CD8B2: variants seen among roughly 807,000 people sequenced by gnomAD.
The protein encoded by CD8B2 is CD8B family member 2.
A neutral mutation model predicts 23.7 loss-of-function variants in CD8B2; 11 were observed. That is an observed-to-expected ratio of 0.46 (90% CI 0.29 to 0.77). The LOEUF (loss-of-function observed/expected upper bound fraction) is 0.77, where lower values mean the gene tolerates loss of function less well. Among genes scored for constraint, CD8B2 ranks in the 30% least tolerant of loss-of-function variants. The pLI, the probability that CD8B2 is intolerant of heterozygous loss-of-function variation, is 0.09. For synonymous variants in CD8B2, 90 were observed against 109.3 expected, an observed-to-expected ratio of 0.82 and a Z score of 1.10; for missense variants, 197 against 270.5, an observed-to-expected ratio of 0.73 and a Z score of 1.91.
chr2:106,530,754 T>C (rs1371543209), intron 5 of CD8B2, among the ~76,000 whole-genome samples: 1 of 152,032 alleles, frequency 6.6e-6, no homozygotes. Context: ...AAGACACAGG[T>C]CATAAAGACC....
chr2:106,526,286 C>T (rs954660061), intron 5 of CD8B2, among the ~76,000 whole-genome samples: 2 of 151,918 alleles, frequency 1.3e-5, no homozygotes, highest in South Asian at 2.1e-4. Flanking sequence ...AACTCACATA[C>T]CTAAAGTATA....
At chr2:106,514,286 CTTTTTTTTTTT>C (rs536439504), downstream of CD8B2, among the ~76,000 whole-genome samples, 2 of 112,038 alleles carry the variant, frequency 1.8e-5, no homozygotes, top group African/African-American at 7.0e-5. Flanking sequence ...GAACGCTTGT[CTTTTTTTTTTT>C]TTTTTTTTGA....
chr2:106,525,477 T>C (rs1335683635), intron 5 of CD8B2, among the ~76,000 whole-genome samples: 1 of 152,202 alleles, frequency 6.6e-6, no homozygotes. Flanking sequence ...ACACATGACA[T>C]GAAATTGATC....
At chr2:106,534,000 C>T (rs1452061130) in intron 5 of CD8B2, among the ~76,000 whole-genome samples, 1 of 152,190 alleles carries the variant, frequency 6.6e-6, no homozygotes, top group African/African-American at 2.4e-5. Flanking sequence ...ATGTGGCAAG[C>T]CTCCTGCTGG....
At chr2:106,511,894 G>A (rs1444295544), downstream of CD8B2, among the ~76,000 whole-genome samples, 5 of 152,334 alleles carry the variant, frequency 3.3e-5, no homozygotes, top group South Asian at 4.1e-4. Flanking sequence ...TGCACGACAC[G>A]TGTGATTCCT....
At chr2:106,493,050 C>T (rs1679223468) in intron 2 of CD8B2, among the ~76,000 whole-genome samples, 1 of 152,126 alleles carries the variant, frequency 6.6e-6, no homozygotes, top group Admixed American at 6.6e-5. Flanking sequence ...CAACCGCACT[C>T]ACTCCTGACT....
chr2:106,521,061 A>G (rs994087706), intron 5 of CD8B2, among the ~76,000 whole-genome samples: 1 of 151,816 alleles, frequency 6.6e-6, no homozygotes, highest in Non-Finnish European at 1.5e-5. Flanking sequence ...AGAGAGAGAC[A>G]GAGAGAGAGA....
downstream of CD8B2, among the ~76,000 whole-genome samples, chr2:106,514,280 G>A (rs1313406515): frequency 1.6e-5 from 2 of 121,220 alleles, no homozygotes; most frequent in African/African-American, 3.1e-5. Context: ...GCAGGGGAAC[G>A]CTTGTCTTTT....
intron 1 of CD8B2, 30 bp from the exon 2 acceptor site, chr2:106,490,844 T>C: frequency 3.2e-6 from 5 of 1,550,286 alleles, no homozygotes; most frequent in Non-Finnish European, 4.4e-6. Context: ...TAGGAAAATG[T>C]GCGATGTCTC....
chr2:106,534,721 T>C (rs1680059545), intron 5 of CD8B2, among the ~76,000 whole-genome samples: 1 of 152,200 alleles, frequency 6.6e-6, no homozygotes, highest in East Asian at 1.9e-4. Context: ...AGGGGTCTAG[T>C]GTTTCAACAT....
Position 106,491,209 on chromosome 2 carries a change from G to A in CD8B2, c.379G>A (p.Gly127Arg), listed in dbSNP as rs1250269673. ...CGTCGGGAGCCCCGAGCTGACCTTC[G>A]GGAAGGGAACTCAGCTGAGTGTGGG... ...MIVGSPELTF[G>R]KGTQLSVVDF... The change falls in exon 2 of 6, where the codon GGG becomes AGG. Residue 127 changes from glycine to arginine, a missense_variant. Gly to Arg is a moderately radical substitution (Grantham distance 125). This residue lies in a region of CD8B2 where 140 missense variants were observed against 164.2 expected (regional missense o/e 0.85). Coordinates refer to ENST00000643224, the MANE Select transcript of CD8B2 (RefSeq NM_001349727.2). 1.7e-5 allele frequency: 27 copies of A among 1,602,570 alleles called. No homozygotes were observed. Among genetic ancestry groups the A allele is most frequent in the South Asian group, 3.4e-5 (3 of 89,340 alleles).
chr2:106,511,539 C>G (rs777632203), downstream of CD8B2, among the ~76,000 whole-genome samples: 5 of 151,542 alleles, frequency 3.3e-5, no homozygotes, highest in Non-Finnish European at 7.4e-5. Context: ...TACACCACCC[C>G]CTCCCTTTCA....
chr2:106,514,355 T>A (rs1169417569), downstream of CD8B2, among the ~76,000 whole-genome samples: 2 of 149,156 alleles, frequency 1.3e-5, no homozygotes, highest in African/African-American at 5.0e-5. Flanking sequence ...TGGCACGATC[T>A]CAGCTCACTG....
intron 5 of CD8B2, among the ~76,000 whole-genome samples, chr2:106,520,452 G>A (rs185251883): frequency 6.6e-6 from 1 of 152,290 alleles, no homozygotes; most frequent in East Asian, 1.9e-4. Context: ...GTGGTTCTCA[G>A]AAGGCCAAGG....
At chr2:106,504,769 C>A (rs915430302) in intron 5 of CD8B2, among the ~76,000 whole-genome samples, 3 of 152,142 alleles carry the variant, frequency 2.0e-5, no homozygotes, top group Non-Finnish European at 4.4e-5. Context: ...AAACTCATCC[C>A]ATCCGTTATT....
At position 106,507,378 on chromosome 2, in the gene CD8B2, G is replaced by A. The variant is rs1213183361; in HGVS notation, c.*438G>A. Reference sequence around the variant, plus strand: ...CTCCCTCTTGGTCTTCCCAGGCTGGGGCTGACCTTCCTCGCAGAGAGGCCA... The same window carrying A: ...CTCCCTCTTGGTCTTCCCAGGCTGGAGCTGACCTTCCTCGCAGAGAGGCCA... On this transcript the variant is annotated 3_prime_UTR_variant, in exon 6 of 6. Coordinates refer to ENST00000643224, the MANE Select transcript of CD8B2 (RefSeq NM_001349727.2). The A allele has an allele frequency of 1.0e-6, 1 of 987,992 alleles. No individual in the cohort carries two copies. The highest frequency in any genetic ancestry group is 1.7e-5 in the African/African-American group (1 of 57,360). 61.2% of individuals were successfully genotyped at this position (987,992 alleles called of 1,614,324 possible). A position where few individuals can be genotyped will look rare whatever the true frequency, so the allele number is the denominator to read the frequency against.
At chr2:106,538,432 G>T (rs1410737530) in intron 5 of CD8B2, among the ~76,000 whole-genome samples, 1 of 152,072 alleles carries the variant, frequency 6.6e-6, no homozygotes, top group Non-Finnish European at 1.5e-5. Flanking sequence ...TAGCTTTCTT[G>T]GCTTGTTTCA....
At chr2:106,516,564 G>C (rs1679732691) in intron 5 of CD8B2, among the ~76,000 whole-genome samples, 3 of 152,192 alleles carry the variant, frequency 2.0e-5, no homozygotes, top group Admixed American at 2.0e-4. Flanking sequence ...ATAGAAAGAT[G>C]AGAAGTATAA....
chr2:106,487,402 G>T lies in CD8B2; in HGVS notation c.-25G>T. On this transcript the variant is annotated 5_prime_UTR_variant, in exon 1 of 6. Coordinates refer to ENST00000643224, the MANE Select transcript of CD8B2 (RefSeq NM_001349727.2). ...GCGACTGTCTCCGCCGAGCCCCCGG[G>T]GCCAGGTGTCCCGGGCGCGCCCCGA... 2 of 1,228,228 alleles carry T rather than the reference G, an allele frequency of 1.6e-6. No homozygotes were observed. The highest frequency in any genetic ancestry group is 2.0e-6 in the Non-Finnish European group (2 of 983,314). 76.1% of individuals were successfully genotyped at this position (1,228,228 alleles called of 1,614,324 possible). A position where few individuals can be genotyped will look rare whatever the true frequency, so the allele number is the denominator to read the frequency against.
Sources: allele counts gnomAD v4.1 joint callset (sites outside exome capture counted in the v4.1 genomes callset), GRCh38; gene constraint gnomAD v4.1.1; regional missense constraint gnomAD v4.1.1; transcripts MANE v1.5; gene names NCBI Gene and HGNC (gene_info 2026-07-23, HGNC 2026-07-21).